The following RALGAPA1 variants were observed in gnomAD, a reference collection of about 807,000 sequenced individuals.
The protein encoded by RALGAPA1 is ral GTPase-activating protein subunit alpha-1.
Under a neutral mutation model 269.6 loss-of-function variants are expected in RALGAPA1, and 52 were observed. The ratio of observed to expected loss-of-function variants is 0.19; its 90% CI spans 0.15 to 0.24. RALGAPA1 has a LOEUF of 0.24. Ranked by LOEUF, RALGAPA1 falls within the 10% of genes least tolerant of loss-of-function variation. RALGAPA1 has a pLI of 1.00. For missense variants in RALGAPA1, 1,917 were observed against 3,013.9 expected (o/e 0.64, Z 8.52); for synonymous variants, 817 against 1,008.3 (o/e 0.81, Z 3.60).
chr14:35,573,003 C>G (rs1426912452), intron 37 of RALGAPA1: 2 of 206,022 alleles, frequency 9.7e-6, no homozygotes. Context: ...CAATTCTCCA[C>G]TAACAGATCT....
intron 1 of RALGAPA1, among the ~76,000 whole-genome samples, chr14:35,801,090 C>T (rs2076936867): frequency 3.4e-5 from 5 of 146,388 alleles, no homozygotes; most frequent in Middle Eastern, 3.7e-3. Context: ...CACACACACA[C>T]GGAAAAATCA....
chr14:35,675,936 T>G (rs979451163), intron 22 of RALGAPA1, among the ~76,000 whole-genome samples: 1 of 152,176 alleles, frequency 6.6e-6, no homozygotes, highest in Non-Finnish European at 1.5e-5. Context: ...TGGTTAACTT[T>G]TTTCTCTTTA....
At chr14:35,684,147 A>T (rs865943590) in intron 20 of RALGAPA1, among the ~76,000 whole-genome samples, 162 bp from the exon 21 acceptor site, 1 of 152,242 alleles carries the variant, frequency 6.6e-6, no homozygotes, top group South Asian at 2.1e-4. Flanking sequence ...TCTGAAGATT[A>T]TAAGTAGATC....
intron 1 of RALGAPA1, among the ~76,000 whole-genome samples, chr14:35,805,025 C>T (rs960134806): frequency 2.6e-5 from 4 of 152,032 alleles, no homozygotes; most frequent in East Asian, 1.9e-4. Context: ...TGGTGGCTCA[C>T]GCCTGTAATC....
intron 35 of RALGAPA1, among the ~76,000 whole-genome samples, chr14:35,621,313 T>G (rs938139537): frequency 1.3e-5 from 2 of 152,160 alleles, no homozygotes; most frequent in Admixed American, 1.3e-4. Context: ...TAGCCATATG[T>G]AGAAAGCTGA....
chr14:35,796,234 C>G (rs1159948475), intron 1 of RALGAPA1, among the ~76,000 whole-genome samples: 3 of 151,980 alleles, frequency 2.0e-5, no homozygotes, highest in Admixed American at 1.3e-4. Context: ...ACTACAGTTT[C>G]TGAGATTAAA....
At chr14:35,731,453 A>G (rs538676873) in intron 12 of RALGAPA1, among the ~76,000 whole-genome samples, 31 of 152,356 alleles carry the variant, frequency 2.0e-4, no homozygotes, top group African/African-American at 7.2e-4. Context: ...CACCAGAGAA[A>G]GGCAAAGCCC....
chr14:35,703,988 G>A (rs1362140744), intron 16 of RALGAPA1, among the ~76,000 whole-genome samples: 3 of 151,892 alleles, frequency 2.0e-5, no homozygotes, highest in African/African-American at 7.3e-5. Context: ...ACCCTTAACA[G>A]CATATAAATA....
At chr14:35,580,873 A>T (rs1566738035) in intron 37 of RALGAPA1, among the ~76,000 whole-genome samples, 1 of 152,154 alleles carries the variant, frequency 6.6e-6, no homozygotes, top group Non-Finnish European at 1.5e-5. Flanking sequence ...ATTTAATTAG[A>T]GGTATTAAAC....
intron 5 of RALGAPA1, among the ~76,000 whole-genome samples, chr14:35,761,344 C>T (rs1338436625): frequency 6.6e-6 from 1 of 152,080 alleles, no homozygotes; most frequent in Non-Finnish European, 1.5e-5. Flanking sequence ...CTAGTCTAAA[C>T]CAAGAAGCGA....
chr14:35,770,874 C>A, intron 4 of RALGAPA1, 68 bp downstream of exon 4: 2 of 536,518 alleles, frequency 3.7e-6, no homozygotes, highest in Non-Finnish European at 6.4e-6. Context: ...AACTAACAAC[C>A]CATTAAAGAA....
chr14:35,750,062 A>G (rs1452929980), intron 9 of RALGAPA1, among the ~76,000 whole-genome samples: 2 of 152,088 alleles, frequency 1.3e-5, no homozygotes, highest in Admixed American at 6.6e-5. Flanking sequence ...ACATTTCTAG[A>G]CTTGGCGTCT....
chr14:35,612,007 T>C (rs567496320), intron 35 of RALGAPA1, among the ~76,000 whole-genome samples: 4 of 152,254 alleles, frequency 2.6e-5, no homozygotes, highest in East Asian at 3.9e-4. Flanking sequence ...TTTTTGATAA[T>C]GGTATCAAGA....
chr14:35,807,387 C>G (rs913121152), intron 1 of RALGAPA1, among the ~76,000 whole-genome samples: 2 of 152,158 alleles, frequency 1.3e-5, no homozygotes, highest in African/African-American at 4.8e-5. Context: ...GAAAACTGAG[C>G]TTTTTATAGC....
At chr14:35,570,786 G>A in intron 38 of RALGAPA1, 42 bp from the exon 39 acceptor site, 1 of 1,551,848 alleles carries the variant, frequency 6.4e-7, no homozygotes, top group Non-Finnish European at 8.7e-7. Context: ...TCAAATTACA[G>A]ACAGATTGTA....
At chr14:35,729,135 C>T (rs2070237317) in intron 12 of RALGAPA1, among the ~76,000 whole-genome samples, 1 of 151,846 alleles carries the variant, frequency 6.6e-6, no homozygotes, top group Non-Finnish European at 1.5e-5. Flanking sequence ...AAGATGACAC[C>T]TAAATCAGGA....
intron 1 of RALGAPA1, among the ~76,000 whole-genome samples, chr14:35,807,124 T>C (rs944314044): frequency 6.6e-6 from 1 of 152,198 alleles, no homozygotes; most frequent in African/African-American, 2.4e-5. Flanking sequence ...TTAGGAAATC[T>C]CGATACTTTA....
At chr14:35,605,507 C>T (rs2059543717) in intron 36 of RALGAPA1, 79 bp downstream of exon 36, 1 of 1,400,244 alleles carries the variant, frequency 7.1e-7, no homozygotes, top group Admixed American at 2.4e-5. Context: ...AATAATACTT[C>T]TATAATAAGC....
intron 16 of RALGAPA1, among the ~76,000 whole-genome samples, chr14:35,709,983 T>C (rs2068157427): frequency 6.6e-6 from 1 of 152,250 alleles, no homozygotes; most frequent in African/African-American, 2.4e-5. Flanking sequence ...TGCATGAGTT[T>C]GAGAAGAATG....
Sources: allele counts gnomAD v4.1 joint callset (sites outside exome capture counted in the v4.1 genomes callset), GRCh38; gene constraint gnomAD v4.1.1; transcripts MANE v1.5; gene names NCBI Gene and HGNC (gene_info 2026-07-23, HGNC 2026-07-21).